Variants in NME8 observed in about 807,000 individuals in gnomAD.
NME8 encodes NME/NM23 family member 8, also known as protein NME8.
In NME8, 72 loss-of-function variants were observed where a neutral mutation model predicts 82.3. That is an observed-to-expected ratio of 0.87 (90% confidence interval 0.72 to 1.06). The LOEUF (loss-of-function observed/expected upper bound fraction) is 1.06. Among genes scored for constraint, NME8 ranks in the 50% least tolerant of loss-of-function variants. The pLI, the probability that NME8 is intolerant of heterozygous loss-of-function variation, is 0.00. For synonymous variants in NME8, 267 were observed against 228.5 expected, an observed-to-expected ratio of 1.17 and a Z score of -1.52; for missense variants, 712 against 685.4, an observed-to-expected ratio of 1.04 and a Z score of -0.43.
At chr7:37,867,956 T>C (rs1283075728) in intron 11 of NME8, 58 bp downstream of exon 11, 1 of 1,462,462 alleles carries the variant, frequency 6.8e-7, no homozygotes, top group African/African-American at 1.4e-5. Context: ...TAATGAAGCG[T>C]AGTGTAGGCA....
intron 12 of NME8, among the ~76,000 whole-genome samples, chr7:37,881,835 A>G (rs1241740533): frequency 6.6e-6 from 1 of 152,180 alleles, no homozygotes; most frequent in South Asian, 2.1e-4. Flanking sequence ...TTTATCTAAT[A>G]GATATAGGGC....
chr7:37,892,976 A>G (rs1475686995), intron 15 of NME8, among the ~76,000 whole-genome samples: 1 of 151,880 alleles, frequency 6.6e-6, no homozygotes, highest in African/African-American at 2.4e-5. Flanking sequence ...TAGTAATTTT[A>G]ATTTTATTTT....
intron 16 of NME8, among the ~76,000 whole-genome samples, chr7:37,896,122 T>A (rs542032483): frequency 6.6e-6 from 1 of 152,212 alleles, no homozygotes; most frequent in Non-Finnish European, 1.5e-5. Flanking sequence ...CCTGACAATT[T>A]GTCAATGAGT....
chr7:37,887,671 T>C (rs1450751611), intron 14 of NME8, among the ~76,000 whole-genome samples: 1 of 152,208 alleles, frequency 6.6e-6, no homozygotes, highest in Non-Finnish European at 1.5e-5. Flanking sequence ...GTTCTCATGC[T>C]GCTATGAAGA....
At chr7:37,877,139 A>G (rs1477433039) in intron 12 of NME8, 132 bp downstream of exon 12, 1 of 714,036 alleles carries the variant, frequency 1.4e-6, no homozygotes, top group Non-Finnish European at 2.4e-6. Flanking sequence ...AAATTAATGT[A>G]TTAACTTACT....
intron 2 of NME8, among the ~76,000 whole-genome samples, chr7:37,849,315 CATTT>C (rs1235415405): frequency 2.0e-5 from 3 of 152,098 alleles, no homozygotes; most frequent in Non-Finnish European, 1.5e-5. Flanking sequence ...CGGGCATGTT[CATTT>C]GTTTGCAATT....
intron 5 of NME8, among the ~76,000 whole-genome samples, chr7:37,854,506 A>G (rs1461639276): frequency 6.6e-6 from 1 of 152,122 alleles, no homozygotes; most frequent in South Asian, 2.1e-4. Context: ...ATTGCTCTAA[A>G]AATGTTTCTA....
At chr7:37,861,646 A>T (rs1359915052) in intron 6 of NME8, among the ~76,000 whole-genome samples, 1 of 152,218 alleles carries the variant, frequency 6.6e-6, no homozygotes, top group Non-Finnish European at 1.5e-5. Context: ...AGGTGTTAAA[A>T]GATGAGTGAG....
intron 5 of NME8, among the ~76,000 whole-genome samples, chr7:37,854,155 C>T (rs192846167): frequency 2.0e-5 from 3 of 151,794 alleles, no homozygotes; most frequent in Admixed American, 6.6e-5. Context: ...CATAAACAGT[C>T]GATTGATACA....
chr7:37,867,458 C>A (rs1435639059), intron 10 of NME8, among the ~76,000 whole-genome samples: 1 of 152,030 alleles, frequency 6.6e-6, no homozygotes, highest in Non-Finnish European at 1.5e-5. Context: ...GGTTATTATA[C>A]ATTTTCTTTA....
chr7:37,873,297 T>C (rs548983145), intron 11 of NME8, among the ~76,000 whole-genome samples: 1 of 146,930 alleles, frequency 6.8e-6, no homozygotes, highest in South Asian at 2.1e-4. Flanking sequence ...GAGGCGGAGA[T>C]TGCAGTGAGC....
intron 11 of NME8, among the ~76,000 whole-genome samples, chr7:37,876,234 ATAGATAGAT>A (rs1226325638): frequency 1.7e-5 from 1 of 59,678 alleles, no homozygotes; most frequent in Non-Finnish European, 4.3e-5. Flanking sequence ...ATATATATAG[ATAGATAGAT>A]AGATAGATAG....
rs768248296 is a variant in NME8, at chr7:37,896,871, G to C, written c.1546G>C (p.Gly516Arg). Reference sequence around the variant, plus strand: ...TTCTGAAAGCACCGTTCTTTGCAGGGGTCCATCTATGGTCATGATTCTGAC... The same window carrying C: ...TTCTGAAAGCACCGTTCTTTGCAGGCGTCCATCTATGGTCATGATTCTGAC... ...YKDLLEMLSV[G>R]PSMVMILTKW... Residue 516 changes from glycine (G) to arginine (R), a missense_variant and splice_region_variant, in exon 17 of 18, where the codon GGT (glycine) becomes CGT (arginine). By Grantham distance (125) the Gly-to-Arg change is moderately radical (BLOSUM62 -2). Coordinates refer to ENST00000199447, the MANE Select transcript of NME8 (RefSeq NM_016616.5). 1.5e-5 allele frequency: 25 copies of C among 1,613,028 alleles called. No individual in the cohort carries two copies. In the African/African-American group the frequency reaches 3.2e-4, roughly 21 times the overall value.
chr7:37,855,779 G>A (rs1188389562), intron 5 of NME8, among the ~76,000 whole-genome samples: 2 of 151,752 alleles, frequency 1.3e-5, no homozygotes, highest in African/African-American at 4.8e-5. Context: ...TGCTTTTTTG[G>A]GAATCATATT....
chr7:37,860,642 A>G (rs573050211), intron 6 of NME8, among the ~76,000 whole-genome samples: 240 of 152,292 alleles, frequency 1.6e-3, no homozygotes, highest in Non-Finnish European at 2.8e-3. Context: ...CTCTACACAC[A>G]GTTTCAATCA....
intron 6 of NME8, among the ~76,000 whole-genome samples, chr7:37,857,705 T>C (rs1784532193): frequency 6.6e-6 from 1 of 152,210 alleles, no homozygotes; most frequent in African/African-American, 2.4e-5. Flanking sequence ...TGCATATCCA[T>C]ACAAGAAAGC....
chr7:37,899,367 T>C (rs1785278371), intron 17 of NME8, among the ~76,000 whole-genome samples: 1 of 152,174 alleles, frequency 6.6e-6, no homozygotes, highest in African/African-American at 2.4e-5. Context: ...GGGAATGAGA[T>C]CGTGTCCTTT....
intron 5 of NME8, among the ~76,000 whole-genome samples, chr7:37,853,703 C>G (rs975330042): frequency 6.6e-6 from 1 of 152,008 alleles, no homozygotes; most frequent in African/African-American, 2.4e-5. Context: ...TGCCCTCTGC[C>G]GGACATATTG....
intron 11 of NME8, among the ~76,000 whole-genome samples, chr7:37,875,490 A>T (rs1029096719): frequency 3.9e-5 from 6 of 152,038 alleles, no homozygotes; most frequent in African/African-American, 1.4e-4. Context: ...CAAATATGGG[A>T]CAGTGTTAAC....
Sources: allele counts gnomAD v4.1 joint callset (sites outside exome capture counted in the v4.1 genomes callset), GRCh38; gene constraint gnomAD v4.1.1; transcripts MANE v1.5; gene names NCBI Gene and HGNC (gene_info 2026-07-23, HGNC 2026-07-21).